NAMPT: variants seen among roughly 807,000 people sequenced by gnomAD.
The protein encoded by NAMPT is NAmPRTase.
NAMPT carries 7 observed loss-of-function variants against 58.7 expected under a neutral mutation model. The observed-to-expected ratio is 0.12, with a 90% CI of 0.07 to 0.22. NAMPT has a LOEUF of 0.22. NAMPT is among the 10% of genes least tolerant of loss of function. The probability of loss-of-function intolerance (pLI) is 1.00; values close to 1 mark genes in which losing one functional copy is unlikely to be tolerated. For missense variants in NAMPT, 271 were observed against 567.9 expected, an observed-to-expected ratio of 0.48 and a Z score of 5.31; for synonymous variants, 145 against 198.1, an observed-to-expected ratio of 0.73 and a Z score of 2.25.
chr7:106,275,727 T>G (rs1792623647), intron 2 of NAMPT: 1 of 152,222 alleles, frequency 6.6e-6, no homozygotes, highest in Non-Finnish European at 1.5e-5. Context: ...ACAAGATAAC[T>G]AGTAAACTCG....
intron 6 of NAMPT, among the ~76,000 whole-genome samples, chr7:106,267,840 CAAAAAAAAAAAAAAAAAAAAAA>C (rs769070307): frequency 0.062 from 2,069 of 33,224 alleles, 125 homozygotes; most frequent in Non-Finnish European, 0.084. Flanking sequence ...GACTCCGTCT[CAAAAAAAAAAAAAAAAAAAAAA>C]AAAAAAAAAA....
chr7:106,268,421 G>A (rs772220726), intron 6 of NAMPT, 43 bp downstream of exon 6: 2 of 1,579,468 alleles, frequency 1.3e-6, no homozygotes, highest in Admixed American at 3.6e-5. Flanking sequence ...AAATACAAGA[G>A]TGAAAAAATT....
chr7:106,284,682 C>A, intron 1 of NAMPT, 146 bp downstream of exon 1: 1 of 997,808 alleles, frequency 1.0e-6, no homozygotes, highest in Non-Finnish European at 1.2e-6. Flanking sequence ...GCCGCCGCCG[C>A]CCGCGCCTCC....
At chr7:106,281,162 G>GT (rs1243315284) in intron 1 of NAMPT, among the ~76,000 whole-genome samples, 3 of 151,580 alleles carry the variant, frequency 2.0e-5, no homozygotes, top group Non-Finnish European at 2.9e-5. Flanking sequence ...CCAACCAACT[G>GT]TAACAAAAAA....
chr7:106,283,479 G>GA (rs1008033721), intron 1 of NAMPT, among the ~76,000 whole-genome samples: 3 of 151,848 alleles, frequency 2.0e-5, no homozygotes, highest in Admixed American at 1.3e-4. Flanking sequence ...ATTTAGTTAA[G>GA]AAAAAAATTC....
intron 1 of NAMPT, chr7:106,284,606 A>C: frequency 4.1e-6 from 1 of 242,804 alleles, no homozygotes. Flanking sequence ...CCCCGCCTCC[A>C]CCGCCCAGCC....
At chr7:106,284,676 C>T in intron 1 of NAMPT, 152 bp downstream of exon 1, 1 of 964,324 alleles carries the variant, frequency 1.0e-6, no homozygotes, top group Non-Finnish European at 1.3e-6. Context: ...GCCCCAGCCG[C>T]CGCCGCCCGC....
At chr7:106,266,946 T>C (rs903175571) in intron 6 of NAMPT, among the ~76,000 whole-genome samples, 20 of 152,318 alleles carry the variant, frequency 1.3e-4, no homozygotes, top group African/African-American at 4.6e-4. Flanking sequence ...TGAACCTGTC[T>C]TCTCAGTCTC....
chr7:106,256,827 T>G (rs1340589664), intron 8 of NAMPT, among the ~76,000 whole-genome samples: 1 of 152,078 alleles, frequency 6.6e-6, no homozygotes, highest in African/African-American at 2.4e-5. Context: ...CCATGCTAAG[T>G]TGAGAGGAAC....
chr7:106,275,544 TATG>T (rs1404055779), intron 2 of NAMPT: 2 of 152,672 alleles, frequency 1.3e-5, no homozygotes, highest in African/African-American at 2.4e-5. Context: ...TACCCACTTA[TATG>T]ATGTTTGTGA....
At chr7:106,264,270 T>C (rs1056328256) in intron 6 of NAMPT, among the ~76,000 whole-genome samples, 1 of 152,060 alleles carries the variant, frequency 6.6e-6, no homozygotes, top group Non-Finnish European at 1.5e-5. Context: ...AATACTTAGT[T>C]TAAGCAAAAC....
chr7:106,272,886 G>C (rs950880091), intron 3 of NAMPT, among the ~76,000 whole-genome samples: 3 of 152,110 alleles, frequency 2.0e-5, no homozygotes, highest in Non-Finnish European at 1.5e-5. Context: ...ATGCTGCCAC[G>C]TGCTTCTGCT....
intron 6 of NAMPT, among the ~76,000 whole-genome samples, chr7:106,267,879 A>C (rs1170592460): frequency 7.3e-6 from 1 of 137,204 alleles, no homozygotes; most frequent in African/African-American, 2.7e-5. Context: ...AAAAAAAACA[A>C]CCTGATTTAC....
At chr7:106,251,377 G>C (rs1022168644) in intron 10 of NAMPT, among the ~76,000 whole-genome samples, 184 bp from the exon 11 acceptor site, 13 of 152,074 alleles carry the variant, frequency 8.5e-5, no homozygotes, top group Non-Finnish European at 1.9e-4. Context: ...GCCAATCACT[G>C]AGTTGCCTGG....
chr7:106,266,524 G>C (rs1792413679), intron 6 of NAMPT, among the ~76,000 whole-genome samples: 1 of 152,162 alleles, frequency 6.6e-6, no homozygotes, highest in Non-Finnish European at 1.5e-5. Context: ...ATGTAAAAGT[G>C]TTCAACAAGG....
chr7:106,251,067 C>G lies in NAMPT; in HGVS notation c.*16G>C. 3.4e-6 allele frequency: 5 copies of G among 1,475,008 alleles called. No homozygotes were observed. The highest frequency in any genetic ancestry group is 3.8e-6 in the Non-Finnish European group (4 of 1,053,846). The allele number at this position is 1,475,008 out of a possible 1,614,324, so 91.4% of individuals were successfully genotyped here. A position where few individuals can be genotyped will look rare whatever the true frequency, so the allele number is the denominator to read the frequency against. ...TTATGTATTACATACACACAACACACACCCAGTCATAAAGCCTAATGATGT... is the reference window on the plus strand; with the variant it reads ...TTATGTATTACATACACACAACACAGACCCAGTCATAAAGCCTAATGATGT... On this transcript the variant is annotated 3_prime_UTR_variant, in exon 11 of 11. Transcript: ENST00000222553.
intron 2 of NAMPT, 37 bp downstream of exon 2, chr7:106,276,986 A>C: frequency 6.7e-7 from 1 of 1,482,398 alleles, no homozygotes; most frequent in South Asian, 1.1e-5. Flanking sequence ...GTTAAGAGTA[A>C]TAAGCAGTGT....
intron 9 of NAMPT, 166 bp from the exon 10 acceptor site, chr7:106,253,317 G>T: frequency 1.5e-6 from 1 of 665,770 alleles, no homozygotes. Context: ...TAACACTTTA[G>T]CCTGTTTTGA....
intron 8 of NAMPT, among the ~76,000 whole-genome samples, chr7:106,258,415 T>G (rs953670383): frequency 6.6e-6 from 1 of 152,242 alleles, no homozygotes; most frequent in African/African-American, 2.4e-5. Context: ...AGATACCATC[T>G]GAGATTCGTA....
Sources: gnomAD v4.1 joint callset for allele counts (sites outside exome capture counted in the v4.1 genomes callset) on GRCh38, gnomAD v4.1.1 for gene constraint, MANE v1.5 for transcripts, NCBI Gene and HGNC (gene_info 2026-07-23, HGNC 2026-07-21) for gene names.